Variants in DLG2 observed in about 807,000 individuals in gnomAD.
DLG2 encodes disks large homolog 2.
Under a neutral mutation model 132.5 loss-of-function variants are expected in DLG2, and 45 were observed. The ratio of observed to expected loss-of-function variants is 0.34; its 90% CI spans 0.27 to 0.44. DLG2 has a LOEUF of 0.44. Ranked by LOEUF, DLG2 falls within the 20% of genes least tolerant of loss-of-function variation. The pLI is 1.00. For synonymous variants in DLG2, 424 were observed against 419.6 expected, an observed-to-expected ratio of 1.01 and a Z score of -0.13; for missense variants, 1,045 against 1,196.9, an observed-to-expected ratio of 0.87 and a Z score of 1.87.
At chr11:84,351,623 T>C (rs962251784) in intron 7 of DLG2, among the ~76,000 whole-genome samples, 2 of 152,200 alleles carry the variant, frequency 1.3e-5, no homozygotes, top group Non-Finnish European at 2.9e-5. Context: ...GCCTGGAACA[T>C]AGTGGATACT....
chr11:83,467,771 G>GTATATATATATATATATATATGTA (rs2091326688), intron 25 of DLG2, among the ~76,000 whole-genome samples: 31 of 85,040 alleles, frequency 3.6e-4, no homozygotes, highest in Non-Finnish European at 5.9e-4. Context: ...AAAACTATAT[G>GTATATATATATATATATATATGTA]TATATATATA....
intron 6 of DLG2, among the ~76,000 whole-genome samples, chr11:84,921,556 G>C (rs1347353676): frequency 6.6e-6 from 1 of 152,134 alleles, no homozygotes; most frequent in Admixed American, 6.5e-5. Context: ...AGAGTAAAAA[G>C]AAATTTCCCA....
intron 18 of DLG2, among the ~76,000 whole-genome samples, chr11:83,665,797 T>C (rs1414426871): frequency 6.6e-6 from 1 of 152,226 alleles, no homozygotes; most frequent in Non-Finnish European, 1.5e-5. Context: ...CTTGAGATTT[T>C]TTTTTTTAGA....
At chr11:84,744,710 T>C (rs540376811) in intron 6 of DLG2, among the ~76,000 whole-genome samples, 1 of 152,144 alleles carries the variant, frequency 6.6e-6, no homozygotes, top group African/African-American at 2.4e-5. Context: ...ATGGAGTTTC[T>C]CAGAAAGCTT....
intron 21 of DLG2, among the ~76,000 whole-genome samples, chr11:83,508,052 C>T (rs1313000717): frequency 1.3e-5 from 2 of 151,650 alleles, no homozygotes; most frequent in Non-Finnish European, 2.9e-5. Flanking sequence ...TGGTACCCAC[C>T]CAGATTAAGG....
intron 3 of DLG2, among the ~76,000 whole-genome samples, chr11:85,438,976 C>T (rs1164760666): frequency 6.6e-6 from 1 of 152,168 alleles, no homozygotes; most frequent in Admixed American, 6.5e-5. Flanking sequence ...TTCTACGCAG[C>T]ATAATTCCCT....
intron 18 of DLG2, among the ~76,000 whole-genome samples, chr11:83,639,569 GACAGAGGA>G (rs555958591): frequency 8.2e-5 from 12 of 147,020 alleles, no homozygotes; most frequent in African/African-American, 3.0e-4. Context: ...AGAACACATG[GACAGAGGA>G]AGGGGAACAT....
intron 7 of DLG2, among the ~76,000 whole-genome samples, chr11:84,271,238 T>C (rs964204208): frequency 6.6e-6 from 1 of 152,170 alleles, no homozygotes; most frequent in African/African-American, 2.4e-5. Flanking sequence ...TATTGGCAAA[T>C]TCCCAATATG....
At chr11:85,414,817 C>A (rs1280265435) in intron 3 of DLG2, among the ~76,000 whole-genome samples, 1 of 151,760 alleles carries the variant, frequency 6.6e-6, no homozygotes, top group East Asian at 1.9e-4. Context: ...GTGACATTTT[C>A]CTGTTGGACA....
At chr11:83,793,492 G>A (rs920520837) in intron 17 of DLG2, among the ~76,000 whole-genome samples, 1 of 152,096 alleles carries the variant, frequency 6.6e-6, no homozygotes, top group African/African-American at 2.4e-5. Flanking sequence ...TTTCTTGGAC[G>A]TTTCCTTTAC....
At chr11:85,583,118 GTGTGTGTGTGTGTATATA>G (rs1565717342) in intron 3 of DLG2, among the ~76,000 whole-genome samples, 9 of 58,500 alleles carry the variant, frequency 1.5e-4, no homozygotes, top group East Asian at 1.2e-3. Flanking sequence ...GTGTGTGTGT[GTGTGTGTGTGTGTATATA>G]TATATATATA....
At chr11:85,382,752 T>A (rs2085996525) in intron 3 of DLG2, among the ~76,000 whole-genome samples, 1 of 152,154 alleles carries the variant, frequency 6.6e-6, no homozygotes. Context: ...TCAACATCAT[T>A]AGTCATTAGG....
intron 6 of DLG2, among the ~76,000 whole-genome samples, chr11:84,540,779 T>G (rs562956230): frequency 4.6e-5 from 7 of 152,240 alleles, no homozygotes; most frequent in Non-Finnish European, 1.0e-4. Context: ...TACCAAAGAC[T>G]TGGAACCAAC....
At chr11:83,588,075 C>T (rs1438898141) in intron 19 of DLG2, among the ~76,000 whole-genome samples, 2 of 152,176 alleles carry the variant, frequency 1.3e-5, no homozygotes, top group Non-Finnish European at 2.9e-5. Context: ...CCGCCATTGC[C>T]CAGGCTTGAT....
At chr11:84,950,444 A>T (rs1213415329) in intron 6 of DLG2, among the ~76,000 whole-genome samples, 1 of 152,224 alleles carries the variant, frequency 6.6e-6, no homozygotes, top group African/African-American at 2.4e-5. Context: ...ACAGTGACAA[A>T]AATTCTGAAT....
chr11:84,282,823 G>C (rs2097865646), intron 7 of DLG2, among the ~76,000 whole-genome samples: 1 of 152,096 alleles, frequency 6.6e-6, no homozygotes, highest in Non-Finnish European at 1.5e-5. Flanking sequence ...ATTTTGCTTT[G>C]ACATGCTTCA....
At chr11:83,571,384 T>C (rs908880635) in intron 19 of DLG2, among the ~76,000 whole-genome samples, 2 of 152,070 alleles carry the variant, frequency 1.3e-5, no homozygotes, top group East Asian at 1.9e-4. Flanking sequence ...CCTCCACTTA[T>C]GAACTTTCAA....
At chr11:85,003,916 TG>T (rs1262419993) in intron 6 of DLG2, among the ~76,000 whole-genome samples, 1 of 152,182 alleles carries the variant, frequency 6.6e-6, no homozygotes, top group Admixed American at 6.5e-5. Flanking sequence ...TTCTCCTTAC[TG>T]TGTCCATGTG....
At chr11:85,170,590 C>A (rs1474092287) in intron 4 of DLG2, among the ~76,000 whole-genome samples, 7 of 152,114 alleles carry the variant, frequency 4.6e-5, no homozygotes, top group African/African-American at 1.7e-4. Flanking sequence ...TTTGAGGTAT[C>A]ATGTTCTGAG....
Sources: allele counts gnomAD v4.1 joint callset (sites outside exome capture counted in the v4.1 genomes callset), GRCh38; gene constraint gnomAD v4.1.1; transcripts MANE v1.5; gene names NCBI Gene and HGNC (gene_info 2026-07-23, HGNC 2026-07-21).